RBMS3: variants seen among roughly 807,000 people sequenced by gnomAD.
The protein encoded by RBMS3 is RNA binding motif single stranded interacting protein 3, also known as RNA-binding motif, single-stranded-interacting protein 3.
A neutral mutation model predicts 66.8 loss-of-function variants in RBMS3; 27 were observed. The observed-to-expected ratio is 0.40, with a 90% CI of 0.30 to 0.56. The LOEUF (loss-of-function observed/expected upper bound fraction) is 0.56. RBMS3 is among the 20% of genes least tolerant of loss of function. The pLI, the probability that RBMS3 is intolerant of heterozygous loss-of-function variation, is 0.40. For missense variants in RBMS3, 513 were observed against 549.5 expected (o/e 0.93, Z 0.66); for synonymous variants, 188 against 183.0 (o/e 1.03, Z -0.22).
intron 6 of RBMS3, among the ~76,000 whole-genome samples, chr3:29,827,636 T>C (rs973360213): frequency 3.3e-5 from 5 of 152,220 alleles, no homozygotes; most frequent in African/African-American, 1.2e-4. Context: ...AATTCCATGT[T>C]GTGTTACCTC....
At chr3:30,003,360 CAG>C (rs1354742110) in intron 14 of RBMS3, among the ~76,000 whole-genome samples, 2 of 151,856 alleles carry the variant, frequency 1.3e-5, no homozygotes, top group African/African-American at 4.8e-5. Context: ...ATAATCTTGA[CAG>C]GGGGAATGAA....
chr3:29,743,049 A>G (rs554624594), intron 5 of RBMS3, among the ~76,000 whole-genome samples: 1 of 152,298 alleles, frequency 6.6e-6, no homozygotes, highest in South Asian at 2.1e-4. Flanking sequence ...TTCTCCATGT[A>G]TCTTAGATTT....
intron 1 of RBMS3, among the ~76,000 whole-genome samples, chr3:29,380,854 G>A (rs992190565): frequency 6.6e-6 from 1 of 152,166 alleles, no homozygotes; most frequent in Non-Finnish European, 1.5e-5. Flanking sequence ...GTGTGGAATT[G>A]CATGGGACAT....
chr3:29,610,934 A>T (rs1308736272), intron 4 of RBMS3, among the ~76,000 whole-genome samples: 1 of 152,040 alleles, frequency 6.6e-6, no homozygotes, highest in African/African-American at 2.4e-5. Flanking sequence ...AAGGGAAAAA[A>T]AAAATCATCC....
intron 1 of RBMS3, among the ~76,000 whole-genome samples, chr3:29,324,354 A>G (rs1363317313): frequency 1.3e-5 from 2 of 152,118 alleles, no homozygotes; most frequent in African/African-American, 2.4e-5. Flanking sequence ...TTATTGTTCA[A>G]GCCTCATAGC....
At position 29,944,193 on chromosome 3, in the gene RBMS3, C is replaced by T. The variant is rs757691401; in HGVS notation, c.1051-14C>T. ...ACTTCATTGCATTCTTTCTCATGCT[C>T]TTTTCATTCAAAGATTCAATCCCAA... is the stretch of plus-strand genomic sequence containing the variant. On this transcript the variant is annotated splice_polypyrimidine_tract_variant and intron_variant, in intron 11 of 14. Transcript: ENST00000383767. The T allele has an allele frequency of 5.7e-6, 9 of 1,575,848 alleles. No homozygotes were observed. The South Asian group carries it at 8.9e-5, about 16-fold the overall frequency.
At chr3:29,460,014 A>T (rs1203391068) in intron 2 of RBMS3, among the ~76,000 whole-genome samples, 2 of 152,152 alleles carry the variant, frequency 1.3e-5, no homozygotes, top group South Asian at 2.1e-4. Context: ...GTCTTGATCA[A>T]CTCTTGTTGT....
At position 29,685,161 on chromosome 3, in the gene RBMS3, C is replaced by T. The variant is rs959999011; in HGVS notation, c.400-54559C>T. Reference sequence around the variant, plus strand: ...GCAAGCTCCGCCTCCCGGGTTCACACCATTCTCCTGCCTCAGCCTCCCGAG... The same window carrying T: ...GCAAGCTCCGCCTCCCGGGTTCACATCATTCTCCTGCCTCAGCCTCCCGAG... On this transcript the variant is annotated intron_variant, in intron 4 of 14. Coordinates refer to ENST00000383767, the MANE Select transcript of RBMS3 (RefSeq NM_001003793.3). Among the ~76,000 whole-genome samples the T allele has an allele frequency of 2.0e-5, 3 of 152,090 alleles. No individual in the cohort carries two copies. The South Asian group carries it at 6.2e-4, about 32-fold the overall frequency.
intron 5 of RBMS3, among the ~76,000 whole-genome samples, chr3:29,745,811 T>C (rs765616304): frequency 6.6e-6 from 1 of 152,080 alleles, no homozygotes; most frequent in African/African-American, 2.4e-5. Flanking sequence ...ACTTCTAACA[T>C]ATGGGCAGCC....
At chr3:29,631,075 G>A (rs1457644) in intron 4 of RBMS3, among the ~76,000 whole-genome samples, 14,185 of 151,892 alleles carry the variant, frequency 0.093, 1,183 homozygotes, top group East Asian at 0.35. Flanking sequence ...AGTATTTTAA[G>A]AGGTATTTAG....
At chr3:29,292,858 A>G (rs1021920230) in intron 1 of RBMS3, among the ~76,000 whole-genome samples, 1 of 151,878 alleles carries the variant, frequency 6.6e-6, no homozygotes, top group Non-Finnish European at 1.5e-5. Context: ...GGCAATAGAT[A>G]AGAGCTGTTT....
chr3:29,589,486 C>T (rs565263010), intron 4 of RBMS3, among the ~76,000 whole-genome samples: 8 of 152,210 alleles, frequency 5.3e-5, no homozygotes, highest in African/African-American at 1.2e-4. Context: ...GAAGTTAATT[C>T]TTATTCTCTT....
At chr3:29,725,346 A>C (rs1284414169) in intron 4 of RBMS3, among the ~76,000 whole-genome samples, 1 of 152,230 alleles carries the variant, frequency 6.6e-6, no homozygotes, top group Non-Finnish European at 1.5e-5. Flanking sequence ...AGCTAACAGA[A>C]GACAAGAAAC....
chr3:29,287,350 A>T (rs898406118), intron 1 of RBMS3, among the ~76,000 whole-genome samples: 1 of 152,088 alleles, frequency 6.6e-6, no homozygotes. Flanking sequence ...TGACTTTCTC[A>T]TTTCTGTTTT....
At chr3:29,892,834 TG>T (rs1309154805) in intron 8 of RBMS3, among the ~76,000 whole-genome samples, 6 of 142,210 alleles carry the variant, frequency 4.2e-5, no homozygotes, top group African/African-American at 1.1e-4. Flanking sequence ...TATGTATGTA[TG>T]TATGTATGTA....
intron 6 of RBMS3, among the ~76,000 whole-genome samples, chr3:29,829,234 A>C (rs2058298495): frequency 6.6e-6 from 1 of 151,938 alleles, no homozygotes; most frequent in Non-Finnish European, 1.5e-5. Context: ...TAGTAGAGAC[A>C]GGGTTTCGCC....
At chr3:29,527,074 C>A (rs1159812454) in intron 3 of RBMS3, among the ~76,000 whole-genome samples, 1 of 148,670 alleles carries the variant, frequency 6.7e-6, no homozygotes, top group Non-Finnish European at 1.5e-5. Flanking sequence ...ATCTACTGTG[C>A]TGATTCTGAA....
At chr3:29,507,875 C>T (rs1011163641) in intron 3 of RBMS3, among the ~76,000 whole-genome samples, 1 of 151,918 alleles carries the variant, frequency 6.6e-6, no homozygotes, top group Non-Finnish European at 1.5e-5. Flanking sequence ...TTTCAATGTT[C>T]ATTATATGTT....
chr3:29,332,130 A>G (rs2035700737), intron 1 of RBMS3, among the ~76,000 whole-genome samples: 1 of 152,084 alleles, frequency 6.6e-6, no homozygotes, highest in South Asian at 2.1e-4. Flanking sequence ...CATTTTGATT[A>G]GCCTCTTCTG....
Sources: gnomAD v4.1 joint callset for allele counts (sites outside exome capture counted in the v4.1 genomes callset) on GRCh38, gnomAD v4.1.1 for gene constraint, MANE v1.5 for transcripts, NCBI Gene and HGNC (gene_info 2026-07-23, HGNC 2026-07-21) for gene names.